Variants in TNS1 observed in about 807,000 individuals in gnomAD.
TNS1 encodes the protein tensin-1.
A neutral mutation model predicts 168.6 loss-of-function variants in TNS1; 62 were observed. That is an observed-to-expected ratio of 0.37 (90% CI 0.30 to 0.45). TNS1 has a LOEUF of 0.45. TNS1 is among the 20% of genes least tolerant of loss of function. TNS1 has a pLI of 1.00. For synonymous variants in TNS1, 934 were observed against 933.2 expected (o/e 1.00, Z -0.02); for missense variants, 2,240 against 2,339.4 (o/e 0.96, Z 0.88).
In TNS1 at chr2:217,847,675, G is replaced by A; in HGVS notation, c.2842C>T (p.Leu948Phe). 1 of 1,599,296 alleles carries A rather than the reference G, an allele frequency of 6.3e-7. No homozygotes were observed. The highest frequency in any genetic ancestry group is 1.1e-5 in the South Asian group (1 of 90,534). Reference sequence around the variant, plus strand: ...CCTGGAGGGCTGTGGGTGGTCGGAAGGAAGGCAGGCAAGGAGGAAGAGGCT... The same window carrying A: ...CCTGGAGGGCTGTGGGTGGTCGGAAAGAAGGCAGGCAAGGAGGAAGAGGCT... ...SPASSSLPAF[L>F]PTTHSPPGPQ... Residue 948 changes from leucine (L) to phenylalanine (F), a missense_variant, in exon 19 of 33, where the codon CTT (leucine) becomes TTT (phenylalanine). This residue lies in a region of TNS1 where 2,131 missense variants were observed against 2,171.2 expected (regional missense o/e 0.98). Coordinates refer to ENST00000682258, the MANE Select transcript of TNS1 (RefSeq NM_001387777.1).
intron 16 of TNS1, among the ~76,000 whole-genome samples, chr2:217,882,735 T>G (rs1283931631): frequency 6.6e-6 from 1 of 151,810 alleles, no homozygotes; most frequent in Non-Finnish European, 1.5e-5. Context: ...TAGATCCCAA[T>G]TTTATTTTAT....
intron 19 of TNS1, among the ~76,000 whole-genome samples, chr2:217,840,761 C>T (rs186020040): frequency 1.4e-3 from 210 of 152,360 alleles, no homozygotes; most frequent in Non-Finnish European, 2.2e-3. Flanking sequence ...CCAGGGTGGC[C>T]GGAGTGCTGG....
At chr2:217,949,410 C>T (rs1318267094) in intron 3 of TNS1, among the ~76,000 whole-genome samples, 10 of 152,224 alleles carry the variant, frequency 6.6e-5, no homozygotes, top group African/African-American at 1.9e-4. Context: ...AGCCTGGATT[C>T]CTTCAGGGAG....
intron 1 of TNS1, among the ~76,000 whole-genome samples, chr2:217,997,726 A>T (rs1449655312): frequency 6.6e-6 from 1 of 152,214 alleles, no homozygotes; most frequent in South Asian, 2.1e-4. Context: ...GTCACCTCCC[A>T]TAGGCTGTTG....
At chr2:217,808,523 A>G (rs1939683797) in intron 31 of TNS1, 80 bp downstream of exon 31, 2 of 1,322,294 alleles carry the variant, frequency 1.5e-6, no homozygotes, top group East Asian at 2.3e-5. Context: ...ACACACACAC[A>G]CACATGCACA....
At chr2:217,979,366 C>G (rs116078823) in intron 2 of TNS1, among the ~76,000 whole-genome samples, 1 of 152,150 alleles carries the variant, frequency 6.6e-6, no homozygotes, top group African/African-American at 2.4e-5. Context: ...CACACACACA[C>G]AGTCTCACAC....
rs534720756 is a variant in TNS1 at position 218,000,321 on chromosome 2, C to A, written c.33+2519G>T. Among the ~76,000 whole-genome samples, 32 of 152,222 alleles carry A rather than the reference C, an allele frequency of 2.1e-4. 1 individual carries two copies. Among genetic ancestry groups the A allele is most frequent in the Admixed American group, 6.5e-4 (10 of 15,286 alleles). On this transcript the variant is annotated intron_variant, in intron 1 of 32. Transcript: ENST00000682258. ...AAGCACTCACTCTAGGGCACAAGAA[C>A]TATCTCAGTCACTTCCTGGCCTCAG...
chr2:217,810,315 G>A lies in TNS1; in HGVS notation c.5037C>T (p.Pro1679=), dbSNP rs1940612882. 6.2e-7 allele frequency: 1 copy of A among 1,614,016 alleles called. No individual in the cohort carries two copies. The highest frequency in any genetic ancestry group is 1.1e-5 in the South Asian group (1 of 91,074). The change falls in exon 29 of 33, where the codon CCC becomes CCT. Residue 1679 remains proline, a synonymous_variant. Transcript: ENST00000682258. ...PCKLVIPNRD[P]TDESKDSSGP... is the part of the protein sequence containing the mutation. ...CGGAGCTATCTTTCGATTCATCTGTGGGGTCTAAGACAAAAATTCAGTAGG... is the reference window on the plus strand; with the variant it reads ...CGGAGCTATCTTTCGATTCATCTGTAGGGTCTAAGACAAAAATTCAGTAGG...
At position 217,880,741 on chromosome 2, in the gene TNS1, TC is replaced by T. The variant is rs1950599549; in HGVS notation, c.1429+156del. 6.6e-6 allele frequency among the ~76,000 whole-genome samples: 1 copy of T among 151,742 alleles called. No homozygotes were observed. Among genetic ancestry groups the T allele is most frequent in the Non-Finnish European group, 1.5e-5 (1 of 67,966 alleles). ...ATACATTCATATATGTGCCTTATCT[TC>T]CCCCAGTTAACGGTGAGCTCTCGGA... On this transcript the variant is annotated intron_variant, in intron 18 of 32. Transcript: ENST00000682258. The surrounding 1 kb of genome is among the most constrained non-coding windows in gnomAD (Gnocchi z 4.2).
chr2:217,878,446 AGGTTACTTAACCCCTCT>A (rs1950390283), intron 18 of TNS1, among the ~76,000 whole-genome samples: 1 of 152,170 alleles, frequency 6.6e-6, no homozygotes, highest in Non-Finnish European at 1.5e-5. Context: ...AAGCTGGGGC[AGGTTACTTAACCCCTCT>A]GTGCTCCAGT....
At chr2:217,891,383 G>A (rs1176079363) in intron 11 of TNS1, among the ~76,000 whole-genome samples, 1 of 152,160 alleles carries the variant, frequency 6.6e-6, no homozygotes, top group Non-Finnish European at 1.5e-5. Flanking sequence ...ATCAAATGAG[G>A]GTGATAATTG....
At chr2:217,914,608 C>T (rs1259280593) in intron 4 of TNS1, among the ~76,000 whole-genome samples, 1 of 152,198 alleles carries the variant, frequency 6.6e-6, no homozygotes, top group African/African-American at 2.4e-5. Flanking sequence ...GCCTCAGCCT[C>T]CCAAGTAGCT....
At chr2:217,856,157 T>A (rs1170765847) in intron 18 of TNS1, among the ~76,000 whole-genome samples, 1 of 152,208 alleles carries the variant, frequency 6.6e-6, no homozygotes, top group Non-Finnish European at 1.5e-5. Flanking sequence ...GCATGGAGAA[T>A]GCCAGGCTCC....
chr2:217,834,123 C>T (rs895299567), intron 21 of TNS1, among the ~76,000 whole-genome samples: 1 of 152,222 alleles, frequency 6.6e-6, no homozygotes, highest in African/African-American at 2.4e-5. Context: ...CTTCCTGGGG[C>T]CACCAATCAG....
chr2:217,810,091 G>C (rs1253564711), intron 29 of TNS1, 100 bp from the exon 30 acceptor site: 4 of 1,492,948 alleles, frequency 2.7e-6, no homozygotes, highest in East Asian at 2.3e-5. Flanking sequence ...ATAAATTTCA[G>C]GCTAGCCTTG....
intron 1 of TNS1, among the ~76,000 whole-genome samples, chr2:217,994,592 T>G (rs1024559921): frequency 6.6e-6 from 1 of 152,196 alleles, no homozygotes; most frequent in Non-Finnish European, 1.5e-5. Flanking sequence ...CAAAGCACAG[T>G]TGGGGCAGCA....
intron 1 of TNS1, among the ~76,000 whole-genome samples, chr2:218,031,374 C>CTG (rs575537516): frequency 2.1e-5 from 3 of 145,530 alleles, no homozygotes; most frequent in East Asian, 2.1e-4. Flanking sequence ...GTGAGCATGT[C>CTG]TGTGTGTGTA....
chr2:217,809,776 G>A (rs759167524), intron 30 of TNS1, 47 bp downstream of exon 30: 7 of 1,577,806 alleles, frequency 4.4e-6, no homozygotes, highest in Non-Finnish European at 4.3e-6. Flanking sequence ...GAATAGATGA[G>A]TCACAGGAAG....
Position 217,891,009 on chromosome 2 carries a change from C to T in TNS1, c.819G>A (p.Arg273=). ...DQALDRFAMK[R]FYEDKIVPIG... ...TGGGCACAATCTTATCCTCATAGAA[C>T]CGCTTCATTGCAAACCGGTCCAGAG... Residue 273 remains arginine, a synonymous_variant, in exon 12 of 33, where the codon CGG becomes CGA. Transcript: ENST00000682258. The T allele has an allele frequency of 1.9e-6, 3 of 1,614,252 alleles. No individual in the cohort carries two copies. The highest frequency in any genetic ancestry group is 2.2e-5 in the East Asian group (1 of 44,882).
Sources: allele counts gnomAD v4.1 joint callset (sites outside exome capture counted in the v4.1 genomes callset), GRCh38; gene constraint gnomAD v4.1.1; regional missense constraint gnomAD v4.1.1; non-coding constraint Gnocchi (gnomAD v3.1); transcripts MANE v1.5; gene names NCBI Gene and HGNC (gene_info 2026-07-23, HGNC 2026-07-21).